NCAPH: variants seen among roughly 807,000 people sequenced by gnomAD.
The protein encoded by NCAPH is condensin complex subunit 2.
Under a neutral mutation model 85.5 loss-of-function variants are expected in NCAPH, and 38 were observed. The observed-to-expected ratio is 0.44, with a 90% CI of 0.34 to 0.58. The LOEUF is 0.58. NCAPH is among the 20% of genes least tolerant of loss of function. The pLI is 0.01. For synonymous variants in NCAPH, 301 were observed against 335.1 expected (o/e 0.90, Z 1.11); for missense variants, 789 against 916.6 (o/e 0.86, Z 1.80).
At chr2:96,366,335 T>C (rs938155280) in intron 14 of NCAPH, among the ~76,000 whole-genome samples, 3 of 152,186 alleles carry the variant, frequency 2.0e-5, no homozygotes, top group Admixed American at 1.3e-4. Flanking sequence ...AGAATATAAA[T>C]TTATATGCTA....
intron 9 of NCAPH, among the ~76,000 whole-genome samples, chr2:96,358,547 C>T (rs1358707328): frequency 6.6e-6 from 1 of 152,156 alleles, no homozygotes; most frequent in Non-Finnish European, 1.5e-5. Context: ...CGGCTCACTG[C>T]AAGCTCCACC....
At chr2:96,362,577 C>T (rs2064639816) in intron 12 of NCAPH, among the ~76,000 whole-genome samples, 1 of 134,918 alleles carries the variant, frequency 7.4e-6, no homozygotes. Flanking sequence ...TTGCAGTGAA[C>T]TGAGATTACA....
intron 1 of NCAPH, among the ~76,000 whole-genome samples, chr2:96,339,250 C>T (rs1428116331): frequency 6.6e-6 from 1 of 152,180 alleles, no homozygotes; most frequent in East Asian, 1.9e-4. Context: ...AAAAATTCCT[C>T]ACTTCCCTTT....
At chr2:96,360,089 GTAAA>G (rs2064583982) in intron 10 of NCAPH, 50 bp from the exon 11 acceptor site, 2 of 1,014,126 alleles carry the variant, frequency 2.0e-6, no homozygotes, top group East Asian at 2.4e-5. Context: ...TGTGAAATGA[GTAAA>G]TAGTTTAGGC....
At chr2:96,346,150 G>A (rs528441523) in intron 6 of NCAPH, among the ~76,000 whole-genome samples, 24 of 152,220 alleles carry the variant, frequency 1.6e-4, no homozygotes, top group Non-Finnish European at 2.1e-4. Context: ...GGTTGGGCTC[G>A]GCTGACGGGT....
chr2:96,372,706 G>A (rs1280977383), intron 17 of NCAPH, among the ~76,000 whole-genome samples: 2 of 151,994 alleles, frequency 1.3e-5, no homozygotes, highest in African/African-American at 4.8e-5. Flanking sequence ...GTACTGCAGT[G>A]CTTGTGTTCC....
At chr2:96,366,113 CT>C in intron 14 of NCAPH, 55 bp downstream of exon 14, 2 of 1,568,718 alleles carry the variant, frequency 1.3e-6, no homozygotes, top group Non-Finnish European at 1.7e-6. Context: ...ATTTAATTGT[CT>C]CTTATATGAG....
At chr2:96,335,998 G>T in intron 1 of NCAPH, 150 bp downstream of exon 1, 2 of 821,596 alleles carry the variant, frequency 2.4e-6, no homozygotes, top group Non-Finnish European at 1.7e-6. Flanking sequence ...GGCCGGTGCG[G>T]GGGGAGGGGA....
At position 96,374,389 on chromosome 2, in the gene NCAPH, G is replaced by C. The variant is rs576261688; in HGVS notation, c.*1038G>C. Among the ~76,000 whole-genome samples, 14 of 152,138 alleles carry C rather than the reference G, an allele frequency of 9.2e-5. No homozygotes were observed. The highest frequency in any genetic ancestry group is 1.3e-4 in the Admixed American group (2 of 15,282). ...TACAAGTTCTTCCCCTAACCTCAGA[G>C]GAATAGGGGAATTAACTTTGCTTGC... On this transcript the variant is annotated 3_prime_UTR_variant, in exon 18 of 18. Transcript: ENST00000240423.
intron 1 of NCAPH, 148 bp downstream of exon 1, chr2:96,335,996 C>A (rs2104403656): frequency 1.1e-5 from 2 of 186,298 alleles, no homozygotes; most frequent in South Asian, 8.8e-5. Context: ...GAGGCCGGTG[C>A]GGGGGGAGGG....
At chr2:96,342,998 G>A in intron 4 of NCAPH, 150 bp downstream of exon 4, 1 of 1,193,150 alleles carries the variant, frequency 8.4e-7, no homozygotes, top group South Asian at 1.5e-5. Flanking sequence ...CTAAACTGAT[G>A]AAATACAGAG....
chr2:96,355,638 T>C (rs1457585603), intron 9 of NCAPH, among the ~76,000 whole-genome samples: 1 of 151,150 alleles, frequency 6.6e-6, no homozygotes, highest in Non-Finnish European at 1.5e-5. Flanking sequence ...TGTTTTTATG[T>C]TTTTTTGTTT....
intron 13 of NCAPH, 146 bp downstream of exon 13, chr2:96,364,737 C>G (rs536567000): frequency 3.2e-6 from 2 of 630,366 alleles, no homozygotes; most frequent in Non-Finnish European, 5.7e-6. Flanking sequence ...CTGCCTTCCA[C>G]CCAGTGCAGG....
chr2:96,367,452 G>C (rs555721918), intron 15 of NCAPH, 79 bp downstream of exon 15: 1 of 1,018,058 alleles, frequency 9.8e-7, no homozygotes. Flanking sequence ...AAGACACCTC[G>C]ATTTGGGCAA....
rs373139280 is a variant in NCAPH at position 96,341,799 on chromosome 2, C to T, written c.177C>T (p.Asp59=). 34 of 1,613,988 alleles carry T rather than the reference C, an allele frequency of 2.1e-5. No individual in the cohort carries two copies. Among genetic ancestry groups the T allele is most frequent in the Non-Finnish European group, 2.5e-5 (30 of 1,180,038 alleles). Residue 59 remains aspartate (D), a synonymous_variant, in exon 2 of 18, where the codon GAC becomes GAT. Transcript: ENST00000240423. ...TCCTCGAAGACTTTCCTCAGAATGA[C>T]GATGAGAAGGAGCGGCTGCAGCGGA... The part of the protein sequence containing the change: ...TPVLEDFPQN[D]DEKERLQRRR...
rs1436478855 is a variant in NCAPH at position 96,373,384 on chromosome 2, C to T, written c.*33C>T. ...ATGGAGAAGTCAGCAGCAGGAGGCCCATCCCTTACTCAGTTGCCGGGACAT... is the reference window on the plus strand; with the variant it reads ...ATGGAGAAGTCAGCAGCAGGAGGCCTATCCCTTACTCAGTTGCCGGGACAT... On this transcript the variant is annotated 3_prime_UTR_variant, in exon 18 of 18. Transcript: ENST00000240423. 5 of 1,598,886 alleles carry T rather than the reference C, an allele frequency of 3.1e-6. No homozygotes were observed. In the South Asian group the frequency reaches 3.3e-5, roughly 11 times the overall value.
At chr2:96,355,692 A>G (rs926689628) in intron 9 of NCAPH, among the ~76,000 whole-genome samples, 1 of 146,644 alleles carries the variant, frequency 6.8e-6, no homozygotes, top group Admixed American at 6.9e-5. Flanking sequence ...CCCAGGCTGG[A>G]GTGCAGCAGC....
intron 6 of NCAPH, among the ~76,000 whole-genome samples, chr2:96,344,564 C>G (rs184577915): frequency 6.6e-6 from 1 of 152,288 alleles, no homozygotes; most frequent in Admixed American, 6.5e-5. Flanking sequence ...CTTCCTTAAG[C>G]CTGTAACCTG....
intron 6 of NCAPH, among the ~76,000 whole-genome samples, chr2:96,351,139 G>C (rs796491927): frequency 2.6e-5 from 4 of 152,286 alleles, no homozygotes; most frequent in African/African-American, 9.6e-5. Context: ...TTTCTGTTCA[G>C]AGGAACAATA....
Sources: allele counts gnomAD v4.1 joint callset (sites outside exome capture counted in the v4.1 genomes callset), GRCh38; gene constraint gnomAD v4.1.1; transcripts MANE v1.5; gene names NCBI Gene and HGNC (gene_info 2026-07-23, HGNC 2026-07-21).